GRM8: variants seen among roughly 807,000 people sequenced by gnomAD.
GRM8 encodes the protein glutamate metabotropic receptor 8.
GRM8 carries 47 observed loss-of-function variants against 87.2 expected under a neutral mutation model. That is an observed-to-expected ratio of 0.54 (90% CI 0.43 to 0.69). GRM8 has a LOEUF of 0.69. Ranked by LOEUF, GRM8 falls within the 30% of genes least tolerant of loss-of-function variation. The pLI, the probability that GRM8 is intolerant of heterozygous loss-of-function variation, is 0.00. For missense variants in GRM8, 1,019 were observed against 1,139.2 expected (o/e 0.89, Z 1.52); for synonymous variants, 396 against 404.5 (o/e 0.98, Z 0.25).
chr7:126,876,938 A>T (rs1448838400), intron 6 of GRM8, among the ~76,000 whole-genome samples: 2 of 55,090 alleles, frequency 3.6e-5, no homozygotes, highest in Non-Finnish European at 1.1e-4. Flanking sequence ...CAAACTCTTT[A>T]AAAAAAAAAA....
At chr7:126,811,313 C>T (rs1478943510) in intron 6 of GRM8, among the ~76,000 whole-genome samples, 1 of 151,246 alleles carries the variant, frequency 6.6e-6, no homozygotes, top group African/African-American at 2.4e-5. Context: ...ATACCTCCTG[C>T]TTTGTTCTTT....
At chr7:126,458,083 G>A (rs1203995950) in intron 9 of GRM8, among the ~76,000 whole-genome samples, 1 of 147,874 alleles carries the variant, frequency 6.8e-6, no homozygotes, top group African/African-American at 2.5e-5. Context: ...AATGAAAATA[G>A]TATCTAAAAC....
chr7:126,799,852 C>T (rs530475079), intron 6 of GRM8, among the ~76,000 whole-genome samples: 6 of 152,234 alleles, frequency 3.9e-5, no homozygotes, highest in African/African-American at 1.4e-4. Context: ...GTTTACTTAG[C>T]TCATTGAGAC....
At chr7:126,718,097 C>T (rs533592381) in intron 7 of GRM8, among the ~76,000 whole-genome samples, 64 of 151,868 alleles carry the variant, frequency 4.2e-4, no homozygotes, top group Non-Finnish European at 7.2e-4. Context: ...ATTAGCAGGG[C>T]GTGGTGGCAG....
At chr7:126,898,580 T>TTGGA (rs1249923519) in intron 6 of GRM8, among the ~76,000 whole-genome samples, 1 of 152,156 alleles carries the variant, frequency 6.6e-6, no homozygotes, top group South Asian at 2.1e-4. Flanking sequence ...ATAGTTCTAA[T>TTGGA]TGGACAAATT....
At chr7:127,207,626 C>T (rs2116606916) in intron 2 of GRM8, among the ~76,000 whole-genome samples, 1 of 152,206 alleles carries the variant, frequency 6.6e-6, no homozygotes, top group South Asian at 2.1e-4. Context: ...ATCCTAAACC[C>T]CCAACTGGCT....
At chr7:126,636,656 T>C (rs1319705588) in intron 7 of GRM8, among the ~76,000 whole-genome samples, 1 of 152,014 alleles carries the variant, frequency 6.6e-6, no homozygotes, top group Non-Finnish European at 1.5e-5. Flanking sequence ...TCAGAGACCA[T>C]ACTTCTAGTT....
At chr7:126,873,535 T>C (rs1347920649) in intron 6 of GRM8, among the ~76,000 whole-genome samples, 3 of 152,202 alleles carry the variant, frequency 2.0e-5, no homozygotes, top group African/African-American at 7.2e-5. Context: ...TTCCCTAAAG[T>C]TACCTGAACC....
intron 3 of GRM8, among the ~76,000 whole-genome samples, chr7:127,093,166 G>A (rs1484166741): frequency 6.6e-6 from 1 of 152,120 alleles, no homozygotes; most frequent in Non-Finnish European, 1.5e-5. Context: ...CACTCTGTAG[G>A]CTTAGGCAAA....
chr7:126,651,209 C>A (rs1803821110), intron 7 of GRM8, among the ~76,000 whole-genome samples: 1 of 152,198 alleles, frequency 6.6e-6, no homozygotes, highest in South Asian at 2.1e-4. Context: ...TGCCTCTGAC[C>A]AAGGCACTCA....
At chr7:127,221,128 T>A (rs963147998) in intron 2 of GRM8, among the ~76,000 whole-genome samples, 1 of 152,220 alleles carries the variant, frequency 6.6e-6, no homozygotes, top group Non-Finnish European at 1.5e-5. Flanking sequence ...CTGCTCTTAC[T>A]AAATCAAGTG....
At chr7:126,886,146 A>C (rs1003438940) in intron 6 of GRM8, among the ~76,000 whole-genome samples, 10 of 152,150 alleles carry the variant, frequency 6.6e-5, no homozygotes, top group Non-Finnish European at 1.5e-4. Context: ...GAGATATTGA[A>C]GATAGGGGTC....
chr7:127,213,622 C>T (rs925723859), intron 2 of GRM8, among the ~76,000 whole-genome samples: 1 of 152,142 alleles, frequency 6.6e-6, no homozygotes, highest in Non-Finnish European at 1.5e-5. Context: ...TCTTAATCTC[C>T]TTTTCTATCC....
chr7:126,779,326 A>G (rs1339043224), intron 6 of GRM8, among the ~76,000 whole-genome samples: 1 of 152,002 alleles, frequency 6.6e-6, no homozygotes, highest in East Asian at 1.9e-4. Flanking sequence ...TCAGATTTTT[A>G]TATATTCTTG....
At chr7:126,922,736 G>T (rs761362563) in intron 3 of GRM8, among the ~76,000 whole-genome samples, 1 of 152,080 alleles carries the variant, frequency 6.6e-6, no homozygotes, top group Non-Finnish European at 1.5e-5. Context: ...GGAGGTGATT[G>T]GATCATGTGG....
chr7:127,098,915 G>A (rs529436774), intron 3 of GRM8, among the ~76,000 whole-genome samples: 9 of 152,198 alleles, frequency 5.9e-5, no homozygotes, highest in African/African-American at 1.9e-4. Flanking sequence ...AAGGTGTGCT[G>A]CCATACTGTG....
chr7:126,982,408 C>T (rs1811630810), intron 3 of GRM8, among the ~76,000 whole-genome samples: 2 of 152,146 alleles, frequency 1.3e-5, no homozygotes, highest in South Asian at 4.1e-4. Context: ...CACAAGTCCA[C>T]CCCTTGACAA....
chr7:126,716,964 T>C (rs1377701568), intron 7 of GRM8, among the ~76,000 whole-genome samples: 1 of 152,086 alleles, frequency 6.6e-6, no homozygotes, highest in African/African-American at 2.4e-5. Context: ...TTCCTTAAAA[T>C]CTTTTGAGGT....
chr7:126,665,602 A>C (rs1805671930), intron 7 of GRM8, among the ~76,000 whole-genome samples: 1 of 152,020 alleles, frequency 6.6e-6, no homozygotes, highest in Non-Finnish European at 1.5e-5. Context: ...GACTACTAGA[A>C]GAAGGAAAGA....
Sources: gnomAD v4.1 joint callset for allele counts (sites outside exome capture counted in the v4.1 genomes callset) on GRCh38, gnomAD v4.1.1 for gene constraint, MANE v1.5 for transcripts, NCBI Gene and HGNC (gene_info 2026-07-23, HGNC 2026-07-21) for gene names.